Variants in PPP1R10 observed in about 807,000 individuals in gnomAD.
The protein encoded by PPP1R10 is protein phosphatase 1 regulatory subunit 10, also known as serine/threonine-protein phosphatase 1 regulatory subunit 10.
PPP1R10 carries 15 observed loss-of-function variants against 99.0 expected under a neutral mutation model. That is an observed-to-expected ratio of 0.15 (90% CI 0.10 to 0.23). The LOEUF (loss-of-function observed/expected upper bound fraction) is 0.23. Among genes scored for constraint, PPP1R10 ranks in the 10% least tolerant of loss-of-function variants. The probability of loss-of-function intolerance (pLI) is 1.00; values close to 1 mark genes in which losing one functional copy is unlikely to be tolerated. For missense variants in PPP1R10, 947 were observed against 1,259.4 expected, an observed-to-expected ratio of 0.75 and a Z score of 3.75; for synonymous variants, 430 against 449.5, an observed-to-expected ratio of 0.96 and a Z score of 0.55.
At chr6:30,614,481 TAC>T (rs1019648576) in intron 2 of PPP1R10, 5 of 152,136 alleles carry the variant, frequency 3.3e-5, no homozygotes, top group Non-Finnish European at 7.4e-5. Context: ...CAGCACTGAA[TAC>T]AGTTTATCCC....
At position 30,601,673 on chromosome 6, in the gene PPP1R10, G is replaced by T. The variant is rs1803327790; in HGVS notation, c.2714-15C>A. 6.2e-7 allele frequency: 1 copy of T among 1,608,914 alleles called. No individual in the cohort carries two copies. Among genetic ancestry groups the T allele is most frequent in the South Asian group, 1.1e-5 (1 of 90,966 alleles). The stretch of plus-strand genomic sequence containing the variant: ...GTTTGACATGTCTGTGGGAACGATG[G>T]CAAAACAGTTAGACAGGAAATAGCT... On this transcript the variant is annotated splice_polypyrimidine_tract_variant and intron_variant, in intron 19 of 19. Transcript: ENST00000376511.
In PPP1R10 at chr6:30,608,826, G is replaced by C. The variant is rs760968192; in HGVS notation, c.283C>G (p.Leu95Val). 2 of 1,614,140 alleles carry C rather than the reference G, an allele frequency of 1.2e-6. No individual in the cohort carries two copies. Among genetic ancestry groups the C allele is most frequent in the Non-Finnish European group, 1.7e-6 (2 of 1,179,998 alleles). The change falls in exon 5 of 20, where the codon CTA becomes GTA. Residue 95 changes from leucine (L) to valine (V), a missense_variant. Coordinates refer to ENST00000376511, the MANE Select transcript of PPP1R10 (RefSeq NM_002714.4). ...TNNIPLLQQI[L>V]LTLQHLPLTV... ...AGCGGTAGATGCTGCAGGGTCAGTA[G>C]AATTTGCTGGAGGAGGGGAATGTTG...
chr6:30,611,238 A>G (rs1305399954), intron 2 of PPP1R10, among the ~76,000 whole-genome samples: 4 of 152,208 alleles, frequency 2.6e-5, no homozygotes, highest in Non-Finnish European at 4.4e-5. Flanking sequence ...GAGCCCAGGG[A>G]TACTGAGGCT....
In PPP1R10 at chr6:30,606,330, T is replaced by C; in HGVS notation, c.635-87A>G. ...CCGTTCTCACCCGCAAATGTTCTTC[T>C]AGCCTTGTAACCAAAGCTTCCTCTG... is the stretch of plus-strand genomic sequence containing the variant. On this transcript the variant is annotated intron_variant, in intron 8 of 19. Transcript: ENST00000376511. This position sits in a 1 kb window ranked among gnomAD's most constrained non-coding sequence, Gnocchi z 6.3. The C allele has an allele frequency of 1.3e-6, 2 of 1,563,032 alleles. No individual in the cohort carries two copies. Among genetic ancestry groups the C allele is most frequent in the Non-Finnish European group, 1.7e-6 (2 of 1,144,782 alleles).
At chr6:30,603,080 C>T in intron 17 of PPP1R10, 121 bp from the exon 18 acceptor site, 2 of 1,395,128 alleles carry the variant, frequency 1.4e-6, no homozygotes, top group East Asian at 2.3e-5. Context: ...TCTCTCTGTC[C>T]AGTCTTCCCC....
intron 6 of PPP1R10, 130 bp downstream of exon 6, chr6:30,607,710 G>T (rs1183487299): frequency 2.0e-6 from 2 of 996,222 alleles, no homozygotes; most frequent in African/African-American, 1.6e-5. Flanking sequence ...CTCTTTAAAA[G>T]AAGGAAAAAA....
chr6:30,611,214 C>T (rs1420427465), intron 2 of PPP1R10, among the ~76,000 whole-genome samples: 1 of 152,096 alleles, frequency 6.6e-6, no homozygotes, highest in African/African-American at 2.4e-5. Flanking sequence ...CGTGGGAAAA[C>T]GGGAGGACTG....
rs369207136 is a variant in PPP1R10, at chr6:30,606,805, C to T, written c.434G>A (p.Arg145His). ...AGCAGGCTGGGTACTGCTCTGAGAGCGGATGACAGCCATCCAGTCGCTGAC... is the reference window on the plus strand; with the variant it reads ...AGCAGGCTGGGTACTGCTCTGAGAGTGGATGACAGCCATCCAGTCGCTGAC... ...VLVSDWMAVI[R>H]SQSSTQPAEK... Residue 145 changes from arginine to histidine, a missense_variant, in exon 7 of 20, where the codon CGC becomes CAC. By Grantham distance (29) the Arg-to-His change is conservative. This residue lies in a region of PPP1R10 where 92 missense variants were observed against 159.2 expected (regional missense o/e 0.58). Coordinates refer to ENST00000376511, the MANE Select transcript of PPP1R10 (RefSeq NM_002714.4). This position sits in a 1 kb window ranked among gnomAD's most constrained non-coding sequence, Gnocchi z 6.3. 2.5e-6 allele frequency: 4 copies of T among 1,614,028 alleles called. No homozygotes were observed. Among genetic ancestry groups the T allele is most frequent in the South Asian group, 1.1e-5 (1 of 91,070 alleles).
Position 30,609,710 on chromosome 6 carries a change from T to C in PPP1R10, c.107+128A>G. ...CCCTTATCCTAAAATTGTTACATTT[T>C]AATCCTATTGCACTGACTATCTTTC... On this transcript the variant is annotated intron_variant, in intron 3 of 19. Transcript: ENST00000376511. The surrounding 1 kb of genome is among the most constrained non-coding windows in gnomAD (Gnocchi z 4.5). 1.3e-6 allele frequency: 1 copy of C among 778,908 alleles called. No homozygotes were observed. The allele number at this position is 778,908 out of a possible 1,614,324, so 48.2% of individuals were successfully genotyped here. A position where few individuals can be genotyped will look rare whatever the true frequency, so the allele number is the denominator to read the frequency against.
At position 30,602,389 on chromosome 6, in the gene PPP1R10, G is replaced by A. The variant is rs1241716997; in HGVS notation, c.2260C>T (p.His754Tyr). The A allele has an allele frequency of 1.2e-6, 2 of 1,612,818 alleles. No homozygotes were observed. ...GMVGGGGHRP[H>Y]EGPGGGMGNS... ...CCCATGCCCCCACCAGGGCCTTCGTGAGGACGATGCCCACCACCTCCAACC... is the reference window on the plus strand; with the variant it reads ...CCCATGCCCCCACCAGGGCCTTCGTAAGGACGATGCCCACCACCTCCAACC... The change falls in exon 19 of 20, where the codon CAC becomes TAC. Residue 754 changes from histidine (H) to tyrosine (Y), a missense_variant. Around this residue, in one of 10 missense-constraint regions of PPP1R10, gnomAD observed 525 missense variants for 578.8 expected, o/e 0.91. Transcript: ENST00000376511. This position sits in a 1 kb window ranked among gnomAD's most constrained non-coding sequence, Gnocchi z 6.7.
At position 30,609,947 on chromosome 6, in the gene PPP1R10, T is replaced by C. The variant is rs2239513; in HGVS notation, c.-3A>G. 2.8e-4 allele frequency: 457 copies of C among 1,611,588 alleles called. 6 individuals carry two copies. In the East Asian group the frequency reaches 9.6e-3, roughly 34 times the overall value. On this transcript the variant is annotated 5_prime_UTR_variant, in exon 3 of 20. Coordinates refer to ENST00000376511, the MANE Select transcript of PPP1R10 (RefSeq NM_002714.4). The surrounding 1 kb of genome is among the most constrained non-coding windows in gnomAD (Gnocchi z 4.5). ...GGGTCTATGGGACCCGAACCCATGA[T>C]GGTGGTTTCTATGGTAAGAGGACAA...
Position 30,604,301 on chromosome 6 carries a change from G to C in PPP1R10, c.1262-47C>G, listed in dbSNP as rs367672851. 8.7e-6 allele frequency: 14 copies of C among 1,613,572 alleles called. No homozygotes were observed. Among genetic ancestry groups the C allele is most frequent in the African/African-American group, 1.3e-5 (1 of 74,896 alleles). ...CAAGAGGGAAAGTAAGCACAACCAA[G>C]TCCTTTCAAAATCCCTTAAACACAC... On this transcript the variant is annotated intron_variant, in intron 13 of 19. Transcript: ENST00000376511. The surrounding 1 kb of genome is among the most constrained non-coding windows in gnomAD (Gnocchi z 7.3).
intron 2 of PPP1R10, among the ~76,000 whole-genome samples, chr6:30,614,087 C>T (rs9366757): frequency 3.3e-5 from 5 of 152,050 alleles, no homozygotes; most frequent in Non-Finnish European, 7.4e-5. Flanking sequence ...TATGGAGAGT[C>T]TGATAAAGAT....
chr6:30,609,044 C>G lies in PPP1R10; in HGVS notation c.194+33G>C, dbSNP rs779581878. On this transcript the variant is annotated intron_variant, in intron 4 of 19. Transcript: ENST00000376511. The surrounding 1 kb of genome is among the most constrained non-coding windows in gnomAD (Gnocchi z 4.5). ...TCACCGCCCCATCTTTTCGCTACAC[C>G]TTCCCATTCCAACCATCCAGATCCC... 1 of 1,613,526 alleles carries G rather than the reference C, an allele frequency of 6.2e-7. No individual in the cohort carries two copies. The highest frequency in any genetic ancestry group is 8.5e-7 in the Non-Finnish European group (1 of 1,179,530).
At chr6:30,603,155 C>A in intron 17 of PPP1R10, 55 bp downstream of exon 17, 2 of 1,550,260 alleles carry the variant, frequency 1.3e-6, no homozygotes, top group South Asian at 2.2e-5. Flanking sequence ...CTGCTTCCCC[C>A]AACTCCACTG....
chr6:30,601,511 T>A lies in PPP1R10; in HGVS notation c.*38A>T. The A allele has an allele frequency of 6.4e-7, 1 of 1,557,894 alleles. No homozygotes were observed. The highest frequency in any genetic ancestry group is 8.8e-7 in the Non-Finnish European group (1 of 1,129,954). ...CAGGGTGGAAAGAGCGAGGCTGCAG[T>A]CCACAGGGGTTGTGTGAACAGGGCA... On this transcript the variant is annotated 3_prime_UTR_variant, in exon 20 of 20. Coordinates refer to ENST00000376511, the MANE Select transcript of PPP1R10 (RefSeq NM_002714.4).
intron 4 of PPP1R10, 48 bp from the exon 5 acceptor site, chr6:30,608,962 G>C (rs761846669): frequency 9.9e-6 from 16 of 1,613,068 alleles, no homozygotes; most frequent in Non-Finnish European, 1.3e-5. Context: ...TCTAGGTTTT[G>C]ACAGTACCAC....
Position 30,606,262 on chromosome 6 carries a change from T to C in PPP1R10, c.635-19A>G, listed in dbSNP as rs769754829. ...TCTAGTCCTGGGGAAAGAAGCACGG[T>C]GTGGGCAGCTGAACTCAAACCCCAG... is the stretch of plus-strand genomic sequence containing the variant. On this transcript the variant is annotated intron_variant, in intron 8 of 19. Transcript: ENST00000376511. The surrounding 1 kb of genome is among the most constrained non-coding windows in gnomAD (Gnocchi z 6.3). 1.2e-6 allele frequency: 2 copies of C among 1,612,148 alleles called. No homozygotes were observed. The highest frequency in any genetic ancestry group is 1.7e-6 in the Non-Finnish European group (2 of 1,179,074).
intron 2 of PPP1R10, among the ~76,000 whole-genome samples, chr6:30,611,500 T>G (rs1298835917): frequency 6.6e-6 from 1 of 152,048 alleles, no homozygotes; most frequent in East Asian, 1.9e-4. Context: ...CAAAGATGAG[T>G]AGTTTTGTGC....
Sources: allele counts gnomAD v4.1 joint callset (sites outside exome capture counted in the v4.1 genomes callset), GRCh38; gene constraint gnomAD v4.1.1; regional missense constraint gnomAD v4.1.1; non-coding constraint Gnocchi (gnomAD v3.1); transcripts MANE v1.5; gene names NCBI Gene and HGNC (gene_info 2026-07-23, HGNC 2026-07-21).